EGF: variants seen among roughly 807,000 people sequenced by gnomAD.
The protein encoded by EGF is epidermal growth factor.
Under a neutral mutation model 143.8 loss-of-function variants are expected in EGF, and 95 were observed. The ratio of observed to expected loss-of-function variants is 0.66; its 90% confidence interval spans 0.56 to 0.78. EGF has a LOEUF of 0.78. Among genes scored for constraint, EGF ranks in the 30% least tolerant of loss-of-function variants. The probability of loss-of-function intolerance (pLI) is 0.00; values close to 1 mark genes in which losing one functional copy is unlikely to be tolerated. For missense variants in EGF, 1,320 were observed against 1,470.9 expected (o/e 0.90, Z 1.68); for synonymous variants, 510 against 510.5 (o/e 1.00, Z 0.01).
chr4:109,926,789 T>C (rs1425621734), intron 1 of EGF, among the ~76,000 whole-genome samples: 1 of 152,230 alleles, frequency 6.6e-6, no homozygotes, highest in African/African-American at 2.4e-5. Context: ...AACAAAACTT[T>C]ATCCAAGTTA....
Position 109,940,956 on chromosome 4 carries a change from C to T in EGF, c.138C>T (p.Pro46=). The T allele has an allele frequency of 6.2e-7, 1 of 1,614,030 alleles. No homozygotes were observed. The highest frequency in any genetic ancestry group is 8.5e-7 in the Non-Finnish European group (1 of 1,179,948). Residue 46 remains proline (P), a synonymous_variant, in exon 2 of 24, where the codon CCC becomes CCT. Transcript: ENST00000265171. ...NGNSTCVGPA[P]FLIFSHGNSI... is the part of the protein sequence containing the mutation. Reference sequence around the variant, plus strand: ...TTTCTTCCCACCCAGGTCCTGCACCCTTCTTAATTTTCTCCCATGGAAATA... The same window carrying T: ...TTTCTTCCCACCCAGGTCCTGCACCTTTCTTAATTTTCTCCCATGGAAATA...
intron 5 of EGF, among the ~76,000 whole-genome samples, chr4:109,949,282 G>C (rs1322849764): frequency 6.6e-6 from 1 of 151,990 alleles, no homozygotes; most frequent in Non-Finnish European, 1.5e-5. Context: ...GGCCAGGCTG[G>C]TCTTAAACTC....
At chr4:109,935,457 A>T (rs1304218202) in intron 1 of EGF, among the ~76,000 whole-genome samples, 1 of 152,200 alleles carries the variant, frequency 6.6e-6, no homozygotes, top group Non-Finnish European at 1.5e-5. Context: ...TTTTGGGCTG[A>T]GACGATGGGG....
intron 21 of EGF, among the ~76,000 whole-genome samples, chr4:110,003,808 G>A (rs1260669733): frequency 1.3e-5 from 2 of 151,666 alleles, no homozygotes; most frequent in African/African-American, 4.8e-5. Flanking sequence ...GTATTTCCTG[G>A]CTTAGCCACT....
chr4:109,988,813 A>G (rs1406132488), intron 18 of EGF, 104 bp downstream of exon 18: 1 of 1,539,502 alleles, frequency 6.5e-7, no homozygotes, highest in East Asian at 2.3e-5. Context: ...AATTGGGGTG[A>G]CACACATGTC....
intron 1 of EGF, among the ~76,000 whole-genome samples, chr4:109,919,815 G>T (rs1185311889): frequency 6.6e-6 from 1 of 151,564 alleles, no homozygotes; most frequent in Non-Finnish European, 1.5e-5. Context: ...CTAATTTCCA[G>T]CAATTTGCTT....
At position 109,912,935 on chromosome 4, in the gene EGF, G is replaced by T. The variant is rs1049355783; in HGVS notation, c.-401G>T. On this transcript the variant is annotated 5_prime_UTR_variant, in exon 1 of 24. Transcript: ENST00000265171. The stretch of plus-strand genomic sequence containing the variant: ...TCGTATCTCCATATTTCTTCTTTCA[G>T]CCCCAATCCAAGGGTTGTAGCTGGA... 2.8e-5 allele frequency: 6 copies of T among 212,736 alleles called. No individual in the cohort carries two copies. The highest frequency in any genetic ancestry group is 9.3e-5 in the African/African-American group (4 of 42,920). The allele number at this position is 212,736 out of a possible 1,614,324, so 13.2% of individuals were successfully genotyped here. A position where few individuals can be genotyped will look rare whatever the true frequency, so the allele number is the denominator to read the frequency against.
intron 22 of EGF, among the ~76,000 whole-genome samples, chr4:110,007,224 T>C (rs1210069337): frequency 6.6e-6 from 1 of 152,238 alleles, no homozygotes; most frequent in African/African-American, 2.4e-5. Context: ...CATCCCTTTC[T>C]ACACCTTTCT....
intron 16 of EGF, among the ~76,000 whole-genome samples, chr4:109,986,672 G>C (rs1250828912): frequency 6.6e-6 from 1 of 151,884 alleles, no homozygotes; most frequent in Non-Finnish European, 1.5e-5. Flanking sequence ...TCCTACTGTG[G>C]TATGTCAGAT....
At chr4:109,955,248 T>C (rs1744609898) in intron 5 of EGF, among the ~76,000 whole-genome samples, 1 of 152,140 alleles carries the variant, frequency 6.6e-6, no homozygotes, top group African/African-American at 2.4e-5. Flanking sequence ...GAAGGGGCAG[T>C]TGGTGGTGGA....
intron 1 of EGF, among the ~76,000 whole-genome samples, chr4:109,932,988 G>A (rs1304507826): frequency 6.6e-6 from 1 of 152,200 alleles, no homozygotes; most frequent in East Asian, 1.9e-4. Flanking sequence ...TCAAATCCAA[G>A]CAGTTGCACA....
At chr4:110,008,086 A>G (rs1345056436) in intron 22 of EGF, 66 bp from the exon 23 acceptor site, 1 of 1,403,522 alleles carries the variant, frequency 7.1e-7, no homozygotes, top group Non-Finnish European at 1.0e-6. Flanking sequence ...ACTTTGATTC[A>G]ATGTACGTTG....
At chr4:109,948,285 G>A (rs1395510350) in intron 5 of EGF, among the ~76,000 whole-genome samples, 1 of 152,192 alleles carries the variant, frequency 6.6e-6, no homozygotes, top group Non-Finnish European at 1.5e-5. Flanking sequence ...AAGGACTTTT[G>A]ATTTCAGGGG....
chr4:109,930,255 AC>A (rs1341087528), intron 1 of EGF, among the ~76,000 whole-genome samples: 1 of 152,194 alleles, frequency 6.6e-6, no homozygotes, highest in African/African-American at 2.4e-5. Flanking sequence ...AAGTACCGTA[AC>A]TGAAGAGGAG....
intron 16 of EGF, among the ~76,000 whole-genome samples, chr4:109,984,271 A>G (rs11569032): frequency 1.7e-3 from 259 of 151,518 alleles, no homozygotes; most frequent in African/African-American, 5.9e-3. Context: ...AAAATATTTC[A>G]AAACTCCACA....
At position 109,945,087 on chromosome 4, in the gene EGF, C is replaced by T. The variant is rs1401083945; in HGVS notation, c.752C>T (p.Ala251Val). 6.2e-7 allele frequency: 1 copy of T among 1,614,128 alleles called. No individual in the cohort carries two copies. The highest frequency in any genetic ancestry group is 2.2e-5 in the East Asian group (1 of 44,886). ...SKHPTQHNLF[A>V]MSLFGDRIFY... ...TTGCTTTTTAGGCATAATTTGTTTG[C>T]AATGTCCCTTTTTGGTGACCGTATC... The change falls in exon 5 of 24, where the codon GCA becomes GTA. Residue 251 changes from alanine to valine, a missense_variant. Physicochemically the swap from Ala to Val is moderately conservative, Grantham distance 64. Coordinates refer to ENST00000265171, the MANE Select transcript of EGF (RefSeq NM_001963.6).
intron 5 of EGF, among the ~76,000 whole-genome samples, chr4:109,947,624 A>C (rs1257967600): frequency 6.6e-6 from 1 of 152,226 alleles, no homozygotes; most frequent in African/African-American, 2.4e-5. Flanking sequence ...CTTCCATGGG[A>C]AATTTCAACT....
At chr4:109,944,171 C>T (rs1316310462) in intron 4 of EGF, 102 bp downstream of exon 4, 5 of 1,311,050 alleles carry the variant, frequency 3.8e-6, no homozygotes, top group Non-Finnish European at 5.3e-6. Context: ...TGGTTTAGGC[C>T]ATAGATTTTG....
chr4:109,985,701 T>G (rs1294325393), intron 16 of EGF, among the ~76,000 whole-genome samples: 1 of 152,228 alleles, frequency 6.6e-6, no homozygotes, highest in Non-Finnish European at 1.5e-5. Flanking sequence ...CTTCTGCCCC[T>G]TGATCACATT....
Sources: allele counts gnomAD v4.1 joint callset (sites outside exome capture counted in the v4.1 genomes callset), GRCh38; gene constraint gnomAD v4.1.1; transcripts MANE v1.5; gene names NCBI Gene and HGNC (gene_info 2026-07-23, HGNC 2026-07-21).